The following TBCD variants were observed in gnomAD, a reference collection of about 807,000 sequenced individuals.
TBCD encodes tubulin folding cofactor D, also known as tubulin-specific chaperone D.
TBCD carries 105 observed loss-of-function variants against 169.3 expected under a neutral mutation model. The observed-to-expected ratio is 0.62, with a 90% CI of 0.53 to 0.73. TBCD has a LOEUF of 0.73. TBCD is among the 30% of genes least tolerant of loss of function. The pLI, the probability that TBCD is intolerant of heterozygous loss-of-function variation, is 0.00. For synonymous variants in TBCD, 700 were observed against 643.9 expected (o/e 1.09, Z -1.32); for missense variants, 1,444 against 1,600.1 (o/e 0.90, Z 1.66).
chr17:82,773,557 G>A (rs1432777586), intron 6 of TBCD, among the ~76,000 whole-genome samples: 1 of 152,046 alleles, frequency 6.6e-6, no homozygotes, highest in African/African-American at 2.4e-5. Context: ...TCTCCCTACC[G>A]GGTGGCGCCA....
At position 82,889,786 on chromosome 17, in the gene TBCD, C is replaced by T. The variant is rs1035388042; in HGVS notation, c.1563+89C>T. 6.0e-6 allele frequency: 9 copies of T among 1,489,412 alleles called. No individual in the cohort carries two copies. Among genetic ancestry groups the T allele is most frequent in the South Asian group, 2.4e-5 (2 of 84,784 alleles). The allele number at this position is 1,489,412 out of a possible 1,614,324, so 92.3% of individuals were successfully genotyped here. A position where few individuals can be genotyped will look rare whatever the true frequency, so the allele number is the denominator to read the frequency against. On this transcript the variant is annotated intron_variant, in intron 16 of 38. Transcript: ENST00000355528. This position sits in a 1 kb window ranked among gnomAD's most constrained non-coding sequence, Gnocchi z 5.3. ...GAGAGCTATAACCCTGGTGTCTTCT[C>T]GCACTGTGAGATGTGGTGTGGCTAC...
intron 6 of TBCD, among the ~76,000 whole-genome samples, chr17:82,778,947 C>T (rs982066440): frequency 6.6e-6 from 1 of 152,232 alleles, no homozygotes; most frequent in East Asian, 1.9e-4. Flanking sequence ...CAGGCATGAG[C>T]CACTGCGCCC....
At chr17:82,774,180 A>G (rs1947965795) in intron 6 of TBCD, among the ~76,000 whole-genome samples, 3 of 151,958 alleles carry the variant, frequency 2.0e-5, no homozygotes, top group African/African-American at 7.3e-5. Flanking sequence ...TGGTTTTCCT[A>G]GGCAGAGGAC....
intron 9 of TBCD, among the ~76,000 whole-genome samples, chr17:82,804,413 C>T (rs560299501): frequency 3.0e-4 from 45 of 152,176 alleles, no homozygotes; most frequent in Admixed American, 1.2e-3. Context: ...TTAAACAGTG[C>T]ACTTTTTCCT....
At chr17:82,827,911 AC>A (rs1353967982) in intron 13 of TBCD, among the ~76,000 whole-genome samples, 5 of 143,504 alleles carry the variant, frequency 3.5e-5, no homozygotes, top group South Asian at 2.3e-4. Flanking sequence ...ATGCACACAC[AC>A]CCCCATAGAT....
chr17:82,888,172 C>T (rs2058883598), intron 15 of TBCD, among the ~76,000 whole-genome samples: 1 of 152,198 alleles, frequency 6.6e-6, no homozygotes, highest in Admixed American at 6.5e-5. Context: ...GGGAACTCCA[C>T]CTCGCCCGGT....
intron 24 of TBCD, 135 bp from the exon 25 acceptor site, chr17:82,921,364 CTT>C (rs1283887693): frequency 1.8e-5 from 13 of 719,556 alleles, no homozygotes; most frequent in Middle Eastern, 6.4e-4. Context: ...AGAATGTTCA[CTT>C]TGGCTTTTCC....
At chr17:82,803,550 C>G (rs576207306) in intron 9 of TBCD, among the ~76,000 whole-genome samples, 1 of 152,356 alleles carries the variant, frequency 6.6e-6, no homozygotes, top group Admixed American at 6.5e-5. Context: ...GAGCCCTCCA[C>G]TCATTGAGAT....
chr17:82,850,622 GT>G, intron 13 of TBCD, among the ~76,000 whole-genome samples: 1 of 150,690 alleles, frequency 6.6e-6, no homozygotes, highest in Admixed American at 6.6e-5. Flanking sequence ...TGGCTGTGCT[GT>G]TTTGCTGTTG....
chr17:82,891,072 G>T (rs59103510), intron 16 of TBCD, among the ~76,000 whole-genome samples: 77,805 of 152,116 alleles, frequency 0.51, 21,084 homozygotes, highest in East Asian at 0.74. Context: ...GACCGTGCTG[G>T]GTGGGCCCTG....
At chr17:82,885,728 G>A (rs1315427883) in intron 15 of TBCD, among the ~76,000 whole-genome samples, 1 of 152,104 alleles carries the variant, frequency 6.6e-6, no homozygotes, top group Non-Finnish European at 1.5e-5. Context: ...AGGCTTCTAT[G>A]AACCCTGAAT....
chr17:82,800,845 G>T lies in TBCD; in HGVS notation c.818-19G>T. On this transcript the variant is annotated intron_variant, in intron 8 of 38. Transcript: ENST00000355528. ...ATGCCTGCAGCCCTTCCTGCGCTGA[G>T]TCCAGTTCTTGTTTGCAGCTGCCAC... The T allele has an allele frequency of 6.2e-7, 1 of 1,610,670 alleles. No individual in the cohort carries two copies. The highest frequency in any genetic ancestry group is 1.1e-5 in the South Asian group (1 of 90,834).
intron 13 of TBCD, among the ~76,000 whole-genome samples, chr17:82,836,899 A>T (rs1762457815): frequency 6.6e-6 from 1 of 152,140 alleles, no homozygotes; most frequent in Admixed American, 6.5e-5. Flanking sequence ...TTGATCAGTT[A>T]GTTCACGTAA....
Position 82,921,581 on chromosome 17 carries a change from C to G in TBCD, c.2178+4C>G, listed in dbSNP as rs367590705. ...TCACTCCCGCCAGCAGATGAAGGTA[C>G]AGTGAGCATGGGCGTTCCCGGCCGG... On this transcript the variant is annotated splice_donor_region_variant and intron_variant, in intron 25 of 38. Transcript: ENST00000355528. 60 of 1,613,920 alleles carry G rather than the reference C, an allele frequency of 3.7e-5. No individual in the cohort carries two copies. In the Admixed American group the frequency reaches 6.8e-4, roughly 18 times the overall value.
chr17:82,830,645 C>T (rs747857500), intron 13 of TBCD: 2 of 1,613,938 alleles, frequency 1.2e-6, no homozygotes, highest in Non-Finnish European at 1.7e-6. Context: ...TTACAGGGGT[C>T]CTTCACCGAG....
chr17:82,850,418 C>CTGTTGTTGGCTGTCCTGT (rs1298066450), intron 13 of TBCD, among the ~76,000 whole-genome samples: 1 of 89,532 alleles, frequency 1.1e-5, no homozygotes, highest in Admixed American at 1.2e-4. Context: ...GTTGGCTGTG[C>CTGTTGTTGGCTGTCCTGT]TGTTGGCTGT....
chr17:82,831,088 C>A lies in TBCD; in HGVS notation c.1318+16154C>A, dbSNP rs779749801. 6.2e-7 allele frequency: 1 copy of A among 1,614,048 alleles called. No homozygotes were observed. Among genetic ancestry groups the A allele is most frequent in the Non-Finnish European group, 8.5e-7 (1 of 1,180,032 alleles). ...GCATTCTGTGCTTTTCTTAACAGGC[C>A]TGAAGGCTGTGAGGCTTTGCTCTGG... On this transcript the variant is annotated intron_variant, in intron 13 of 38. Transcript: ENST00000355528. This position sits in a 1 kb window ranked among gnomAD's most constrained non-coding sequence, Gnocchi z 4.6.
In TBCD at chr17:82,840,953, G is replaced by GTTTTTTTTTTTTTTT. The variant is rs755302623; in HGVS notation, c.1318+26019_1318+26020insTTTTTTTTTTTTTTT. On this transcript the variant is annotated intron_variant, in intron 13 of 38. Coordinates refer to ENST00000355528, the MANE Select transcript of TBCD (RefSeq NM_005993.5). ...ACGAGCTGGCCAGGACAGACAAACT[G>GTTTTTTTTTTTTTTT]GTTTTTTTTTTTTTTTTTTTTTTTT... 9.6e-4 allele frequency among the ~76,000 whole-genome samples: 68 copies of GTTTTTTTTTTTTTTT among 70,554 alleles called. 30 individuals carry two copies. Among genetic ancestry groups the GTTTTTTTTTTTTTTT allele is most frequent in the African/African-American group, 3.4e-3 (62 of 17,982 alleles). 46.3% of individuals were successfully genotyped at this position (70,554 alleles called of 152,430 possible).
intron 2 of TBCD, among the ~76,000 whole-genome samples, chr17:82,757,697 G>GT (rs753626035): frequency 9.9e-5 from 15 of 151,766 alleles, no homozygotes; most frequent in Non-Finnish European, 1.9e-4. Flanking sequence ...TTGTCCTTCT[G>GT]TCCTAGAAAA....
Sources: gnomAD v4.1 joint callset for allele counts (sites outside exome capture counted in the v4.1 genomes callset) on GRCh38, gnomAD v4.1.1 for gene constraint, Gnocchi (gnomAD v3.1) non-coding constraint, MANE v1.5 for transcripts, NCBI Gene and HGNC (gene_info 2026-07-23, HGNC 2026-07-21) for gene names.